Variants in THADA observed in about 807,000 individuals in gnomAD.
THADA encodes the protein THADA armadillo repeat containing, also known as tRNA (32-2'-O)-methyltransferase regulator THADA.
In THADA, 213 loss-of-function variants were observed where a neutral mutation model predicts 219.8. The ratio of observed to expected loss-of-function variants is 0.97; its 90% CI spans 0.87 to 1.09. THADA has a LOEUF of 1.09. Among genes scored for constraint, THADA ranks in the 50% least tolerant of loss-of-function variants. THADA has a pLI of 0.00. For synonymous variants in THADA, 1,018 were observed against 828.9 expected, an observed-to-expected ratio of 1.23 and a Z score of -3.92; for missense variants, 2,956 against 2,311.3, an observed-to-expected ratio of 1.28 and a Z score of -5.72.
chr2:43,406,839 G>A (rs959520106), intron 28 of THADA, among the ~76,000 whole-genome samples: 1 of 152,268 alleles, frequency 6.6e-6, no homozygotes, highest in Middle Eastern at 3.4e-3. Context: ...ATCTACCCTC[G>A]GGGTTCTTGG....
At chr2:43,591,041 C>G (rs530480956) in intron 3 of THADA, 87 bp from the exon 4 acceptor site, 157 of 1,326,034 alleles carry the variant, frequency 1.2e-4, no homozygotes, top group East Asian at 4.4e-4. Context: ...GTCTCAATTG[C>G]TGGGTACAGT....
At chr2:43,300,246 C>T (rs903673552) in intron 31 of THADA, among the ~76,000 whole-genome samples, 10 of 151,860 alleles carry the variant, frequency 6.6e-5, no homozygotes, top group African/African-American at 2.4e-4. Context: ...AGCAATTCTC[C>T]TGCCTCAGCC....
chr2:43,365,566 G>GACACACACACACACACACAC (rs375762944), intron 29 of THADA, among the ~76,000 whole-genome samples: 2 of 143,516 alleles, frequency 1.4e-5, no homozygotes, highest in Admixed American at 7.0e-5. Flanking sequence ...GCAAGACTCT[G>GACACACACACACACACACAC]ACACACACAC....
chr2:43,373,108 C>A (rs1186009582), intron 29 of THADA, among the ~76,000 whole-genome samples: 2 of 152,176 alleles, frequency 1.3e-5, no homozygotes, highest in Non-Finnish European at 2.9e-5. Context: ...CACCATCACA[C>A]CCTTTGAATT....
intron 31 of THADA, among the ~76,000 whole-genome samples, chr2:43,311,518 A>G (rs1373711476): frequency 6.6e-6 from 1 of 152,236 alleles, no homozygotes; most frequent in African/African-American, 2.4e-5. Context: ...TTCTAGGTAA[A>G]TACCCAAGAG....
chr2:43,431,150 C>G (rs1679215587), intron 26 of THADA, among the ~76,000 whole-genome samples: 1 of 152,168 alleles, frequency 6.6e-6, no homozygotes, highest in Non-Finnish European at 1.5e-5. Flanking sequence ...TAAATATTCC[C>G]TAACCTACCC....
intron 26 of THADA, among the ~76,000 whole-genome samples, chr2:43,475,653 C>G (rs1685445114): frequency 6.6e-6 from 1 of 152,130 alleles, no homozygotes; most frequent in East Asian, 1.9e-4. Context: ...TGATTACATT[C>G]TACTCAGAAT....
intron 24 of THADA, among the ~76,000 whole-genome samples, chr2:43,503,319 C>A (rs909155156): frequency 2.0e-5 from 3 of 152,132 alleles, no homozygotes; most frequent in Non-Finnish European, 2.9e-5. Context: ...TGTCCATTCA[C>A]AGAAGGGATG....
chr2:43,480,839 G>GA (rs935663260), intron 26 of THADA, among the ~76,000 whole-genome samples: 2 of 146,548 alleles, frequency 1.4e-5, no homozygotes, highest in African/African-American at 2.5e-5. Context: ...AAAAAAAAAA[G>GA]AAAAAAAAAT....
chr2:43,590,938 T>C lies in THADA; in HGVS notation c.188A>G (p.Glu63Gly), dbSNP rs10210191. 2,050 of 1,612,906 alleles carry C rather than the reference T, an allele frequency of 1.3e-3. 25 individuals carry two copies. The African/African-American group carries it at 0.025, about 19-fold the overall frequency. ...HYIKQIVPLLEKADKNGMCDP... is the reference protein window; with the variant it reads ...HYIKQIVPLLGKADKNGMCDP... ...ACACATGCCATTTTTATCTGCTTTC[T>C]CCAGCAGAGGCACAATCTATAATAC... Residue 63 changes from glutamate to glycine, a missense_variant, in exon 4 of 38, where the codon GAG becomes GGG. Glu to Gly is a moderately conservative substitution (Grantham distance 98, BLOSUM62 -2). Transcript: ENST00000405975.
chr2:43,335,279 G>A (rs1273783235), intron 30 of THADA, among the ~76,000 whole-genome samples: 2 of 152,216 alleles, frequency 1.3e-5, no homozygotes, highest in African/African-American at 2.4e-5. Context: ...GATAGATGGA[G>A]GCAGTGTGGT....
chr2:43,415,749 C>T (rs1002421209), intron 28 of THADA, among the ~76,000 whole-genome samples: 7 of 152,048 alleles, frequency 4.6e-5, no homozygotes, highest in Admixed American at 1.3e-4. Context: ...TGACGCTTCA[C>T]GGTGGGTCAG....
chr2:43,398,648 A>G (rs746732742), intron 28 of THADA, among the ~76,000 whole-genome samples: 1 of 152,234 alleles, frequency 6.6e-6, no homozygotes, highest in Admixed American at 6.5e-5. Context: ...AACTCAGGAA[A>G]GCAAGCATGA....
At chr2:43,466,839 G>A (rs1684296312) in intron 26 of THADA, among the ~76,000 whole-genome samples, 1 of 152,104 alleles carries the variant, frequency 6.6e-6, no homozygotes, top group Non-Finnish European at 1.5e-5. Context: ...TCTTCAGCAG[G>A]ATAAATGTGA....
chr2:43,506,360 C>T (rs1360010478), intron 23 of THADA, among the ~76,000 whole-genome samples: 2 of 152,064 alleles, frequency 1.3e-5, no homozygotes, highest in Non-Finnish European at 2.9e-5. Context: ...GTCCAATAAA[C>T]ATAAAAATAG....
chr2:43,515,119 AAT>A (rs1691292224), intron 22 of THADA, among the ~76,000 whole-genome samples: 1 of 7,210 alleles, frequency 1.4e-4, no homozygotes, highest in Non-Finnish European at 2.2e-4. Context: ...TTTTATATAT[AAT>A]ATATTTTATA....
At chr2:43,483,773 A>G (rs1043456310) in intron 26 of THADA, among the ~76,000 whole-genome samples, 3 of 151,400 alleles carry the variant, frequency 2.0e-5, no homozygotes, top group Non-Finnish European at 4.4e-5. Flanking sequence ...ATATTTATAT[A>G]TATATTCAAG....
chr2:43,348,266 GC>G (rs981062260), intron 29 of THADA, among the ~76,000 whole-genome samples: 8 of 152,192 alleles, frequency 5.3e-5, no homozygotes, highest in African/African-American at 1.9e-4. Flanking sequence ...GCAGGAGCTG[GC>G]CCCGGAGATG....
rs549149802 is a variant in THADA at position 43,471,333 on chromosome 2, C to T, written c.3836+13901G>A. 5.3e-5 allele frequency among the ~76,000 whole-genome samples: 8 copies of T among 152,162 alleles called. No individual in the cohort carries two copies. In the South Asian group the frequency reaches 1.7e-3, roughly 32 times the overall value. On this transcript the variant is annotated intron_variant, in intron 26 of 37. Transcript: ENST00000405975. ...TTGAGCCCAGGACTTTGAGACCAGCCTGGGCAATGTAGTGAGACTCTCTCT... is the reference window on the plus strand; with the variant it reads ...TTGAGCCCAGGACTTTGAGACCAGCTTGGGCAATGTAGTGAGACTCTCTCT...
Sources: gnomAD v4.1 joint callset for allele counts (sites outside exome capture counted in the v4.1 genomes callset) on GRCh38, gnomAD v4.1.1 for gene constraint, MANE v1.5 for transcripts, NCBI Gene and HGNC (gene_info 2026-07-23, HGNC 2026-07-21) for gene names.